The following STIM1 variants were observed in gnomAD, a reference collection of about 807,000 sequenced individuals.
STIM1 encodes stromal interaction molecule 1.
In STIM1, 25 loss-of-function variants were observed where a neutral mutation model predicts 74.7. The ratio of observed to expected loss-of-function variants is 0.33; its 90% CI spans 0.24 to 0.47. The LOEUF is 0.47. STIM1 is among the 20% of genes least tolerant of loss of function. The pLI is 1.00. For synonymous variants in STIM1, 328 were observed against 348.8 expected (o/e 0.94, Z 0.66); for missense variants, 728 against 920.8 (o/e 0.79, Z 2.71).
intron 2 of STIM1, among the ~76,000 whole-genome samples, chr11:4,004,590 A>C (rs1437087670): frequency 1.3e-5 from 2 of 151,438 alleles, no homozygotes; most frequent in Non-Finnish European, 2.9e-5. Context: ...TTAATTCAAG[A>C]TGGATTAAAG....
chr11:4,082,414 A>G (rs1230400750), intron 8 of STIM1, 63 bp downstream of exon 8: 13 of 1,484,756 alleles, frequency 8.8e-6, no homozygotes, highest in Non-Finnish European at 1.1e-5. Context: ...TTACCTGCAT[A>G]TCTTCCTCTT....
At chr11:3,973,403 CT>C (rs916667920) in intron 2 of STIM1, 82 of 378,228 alleles carry the variant, frequency 2.2e-4, no homozygotes, top group South Asian at 4.5e-4. Flanking sequence ...TATGGTATTT[CT>C]TTTTTTTTCT....
At chr11:3,882,917 C>G (rs1020386148) in intron 1 of STIM1, among the ~76,000 whole-genome samples, 2 of 152,136 alleles carry the variant, frequency 1.3e-5, no homozygotes, top group Non-Finnish European at 2.9e-5. Context: ...TCTCTAATCT[C>G]TAATGATATT....
At chr11:3,992,147 G>GCT (rs1375961633) in intron 2 of STIM1, among the ~76,000 whole-genome samples, 1 of 138,992 alleles carries the variant, frequency 7.2e-6, no homozygotes, top group African/African-American at 2.7e-5. Flanking sequence ...TGGTATGGTG[G>GCT]CTCATGCCTG....
chr11:3,889,190 A>T (rs919392280), intron 1 of STIM1, among the ~76,000 whole-genome samples: 1 of 149,388 alleles, frequency 6.7e-6, no homozygotes, highest in Non-Finnish European at 1.5e-5. Context: ...CTAAGGCAAG[A>T]TCATTATCTT....
At chr11:4,069,423 C>G (rs3794051) in intron 5 of STIM1, among the ~76,000 whole-genome samples, 122,769 of 151,596 alleles carry the variant, frequency 0.81, 51,686 homozygotes, top group East Asian at 0.95. Flanking sequence ...TGAATGTATT[C>G]ATGCTATCCT....
chr11:3,963,420 G>A (rs763710602), intron 1 of STIM1, among the ~76,000 whole-genome samples: 6 of 152,062 alleles, frequency 3.9e-5, no homozygotes, highest in African/African-American at 1.2e-4. Flanking sequence ...ACATGATCTC[G>A]TTCTTTTTTT....
chr11:3,934,786 G>A (rs368748492), intron 1 of STIM1, among the ~76,000 whole-genome samples: 1 of 152,348 alleles, frequency 6.6e-6, no homozygotes, highest in East Asian at 1.9e-4. Flanking sequence ...ATGCAGTGCA[G>A]TAGCTGACTT....
At chr11:3,974,897 TAAG>T (rs2093431575) in intron 2 of STIM1, among the ~76,000 whole-genome samples, 1 of 152,198 alleles carries the variant, frequency 6.6e-6, no homozygotes, top group Non-Finnish European at 1.5e-5. Flanking sequence ...AGGGCCTACC[TAAG>T]ACCATTGTCC....
intron 3 of STIM1, among the ~76,000 whole-genome samples, chr11:4,041,201 A>G (rs1054795367): frequency 5.3e-5 from 8 of 152,114 alleles, no homozygotes; most frequent in African/African-American, 1.9e-4. Context: ...CTCCCACATC[A>G]CCTTATATAT....
intron 1 of STIM1, chr11:3,892,867 G>A (rs2091939888): frequency 6.3e-7 from 1 of 1,594,926 alleles, no homozygotes; most frequent in South Asian, 1.1e-5. Context: ...CAATGTCGAA[G>A]AACACGGTGG....
At chr11:4,052,755 A>C (rs910971962) in intron 3 of STIM1, among the ~76,000 whole-genome samples, 3 of 152,210 alleles carry the variant, frequency 2.0e-5, no homozygotes, top group Admixed American at 2.0e-4. Flanking sequence ...AATTAAACTA[A>C]AGAGCTTCTG....
intron 2 of STIM1, among the ~76,000 whole-genome samples, chr11:3,996,789 G>A (rs2093667017): frequency 6.6e-6 from 1 of 152,132 alleles, no homozygotes; most frequent in Non-Finnish European, 1.5e-5. Context: ...CTGGAGAGTG[G>A]GTCTGTGGAG....
At chr11:4,027,839 G>T (rs2094010519) in intron 3 of STIM1, among the ~76,000 whole-genome samples, 1 of 152,078 alleles carries the variant, frequency 6.6e-6, no homozygotes, top group Non-Finnish European at 1.5e-5. Flanking sequence ...AGGAGTGGCA[G>T]TTCTTTAAAG....
intron 6 of STIM1, among the ~76,000 whole-genome samples, chr11:4,072,034 C>T (rs1287067018): frequency 1.3e-5 from 2 of 152,176 alleles, no homozygotes; most frequent in Non-Finnish European, 2.9e-5. Flanking sequence ...TCTGAGCAGT[C>T]CCCATACCTC....
intron 2 of STIM1, among the ~76,000 whole-genome samples, chr11:3,995,558 A>G (rs2093655803): frequency 6.6e-6 from 1 of 152,186 alleles, no homozygotes; most frequent in Non-Finnish European, 1.5e-5. Flanking sequence ...CAATGCCCTG[A>G]GGCATAAATT....
intron 1 of STIM1, among the ~76,000 whole-genome samples, chr11:3,934,006 A>G (rs2092903830): frequency 6.6e-6 from 1 of 152,126 alleles, no homozygotes; most frequent in Non-Finnish European, 1.5e-5. Flanking sequence ...CCAGGGACCT[A>G]AGATTCTCTT....
At chr11:4,016,608 C>G (rs1348879810) in intron 2 of STIM1, among the ~76,000 whole-genome samples, 1 of 152,276 alleles carries the variant, frequency 6.6e-6, no homozygotes, top group Non-Finnish European at 1.5e-5. Flanking sequence ...ACGTTTAAGT[C>G]TGCAGAAGCT....
intron 2 of STIM1, chr11:3,973,076 C>T (rs939180712): frequency 2.5e-5 from 11 of 439,820 alleles, no homozygotes; most frequent in Middle Eastern, 7.8e-4. Context: ...CCCTGATTTC[C>T]ATAATCCTGC....
Sources: allele counts gnomAD v4.1 joint callset (sites outside exome capture counted in the v4.1 genomes callset), GRCh38; gene constraint gnomAD v4.1.1; transcripts MANE v1.5; gene names NCBI Gene and HGNC (gene_info 2026-07-23, HGNC 2026-07-21).